Variants in SPATA6 observed in about 807,000 individuals in gnomAD.
The protein encoded by SPATA6 is spermatogenesis associated 6.
SPATA6 carries 56 observed loss-of-function variants against 65.3 expected under a neutral mutation model. The ratio of observed to expected loss-of-function variants is 0.86; its 90% CI spans 0.69 to 1.07. The LOEUF is 1.07. Ranked by LOEUF, SPATA6 falls within the 50% of genes least tolerant of loss-of-function variation. The pLI, the probability that SPATA6 is intolerant of heterozygous loss-of-function variation, is 0.00. For synonymous variants in SPATA6, 199 were observed against 213.2 expected (o/e 0.93, Z 0.58); for missense variants, 590 against 594.8 (o/e 0.99, Z 0.08).
chr1:48,324,411 T>C (rs182939582), intron 11 of SPATA6, among the ~76,000 whole-genome samples: 29 of 152,184 alleles, frequency 1.9e-4, no homozygotes, highest in African/African-American at 5.8e-4. Flanking sequence ...TACAGATCAA[T>C]AACCCTGATG....
intron 3 of SPATA6, among the ~76,000 whole-genome samples, chr1:48,437,728 C>T (rs1380798180): frequency 1.3e-5 from 2 of 152,052 alleles, no homozygotes; most frequent in Non-Finnish European, 2.9e-5. Flanking sequence ...CTTATGGTAA[C>T]ACCTAACTGA....
intron 11 of SPATA6, among the ~76,000 whole-genome samples, chr1:48,317,469 C>T (rs1006798113): frequency 6.6e-6 from 1 of 151,208 alleles, no homozygotes; most frequent in Non-Finnish European, 1.5e-5. Context: ...CAGGTGGGAA[C>T]TGAACAATGA....
chr1:48,403,674 C>A, intron 6 of SPATA6, 128 bp downstream of exon 6: 1 of 641,960 alleles, frequency 1.6e-6, no homozygotes, highest in Non-Finnish European at 2.6e-6. Context: ...TATTGTTTCA[C>A]TTCAACTAAA....
Position 48,471,586 on chromosome 1 carries a change from A to C in SPATA6, c.51+372T>G, listed in dbSNP as rs1014572663. 1.3e-5 allele frequency among the ~76,000 whole-genome samples: 2 copies of C among 152,154 alleles called. 1 individual carries two copies. Among genetic ancestry groups the C allele is most frequent in the Non-Finnish European group, 2.9e-5 (2 of 68,040 alleles). On this transcript the variant is annotated intron_variant, in intron 1 of 12. Coordinates refer to ENST00000371847, the MANE Select transcript of SPATA6 (RefSeq NM_019073.4). ...CCCAGACTTGGGAAAGGCGGGGGCA[A>C]TAATTCTCTAAGAGAACTGGAGCCC...
At chr1:48,271,689 C>T in the SPATA6 span, among the ~76,000 whole-genome samples, 1 of 152,064 alleles carries the variant, frequency 6.6e-6, no homozygotes, top group Admixed American at 6.6e-5. Context: ...AACAACTAGG[C>T]CATGGGATGC....
At chr1:48,387,271 G>A (rs567234549) in intron 8 of SPATA6, among the ~76,000 whole-genome samples, 2 of 152,102 alleles carry the variant, frequency 1.3e-5, no homozygotes, top group Non-Finnish European at 2.9e-5. Flanking sequence ...AATTCAAGAT[G>A]AGATTTGGGT....
intron 3 of SPATA6, among the ~76,000 whole-genome samples, chr1:48,445,470 C>T (rs1165653104): frequency 6.6e-6 from 1 of 151,980 alleles, no homozygotes; most frequent in African/African-American, 2.4e-5. Flanking sequence ...ACCATCCTGG[C>T]TAACATGGTA....
intron 1 of SPATA6, among the ~76,000 whole-genome samples, chr1:48,459,899 G>A (rs1657298435): frequency 6.6e-6 from 1 of 151,960 alleles, no homozygotes; most frequent in South Asian, 2.1e-4. Context: ...GAAATTATAA[G>A]ACAAATTAGA....
chr1:48,348,545 T>C (rs908665776), intron 11 of SPATA6, among the ~76,000 whole-genome samples: 8 of 151,798 alleles, frequency 5.3e-5, no homozygotes, highest in African/African-American at 1.9e-4. Context: ...TACAAGATGC[T>C]CCATGTTAAT....
rs1345867089 is a variant in SPATA6, at chr1:48,298,773, C to T, written c.1407G>A (p.Met469Ile). 12 of 1,613,904 alleles carry T rather than the reference C, an allele frequency of 7.4e-6. No homozygotes were observed. Among genetic ancestry groups the T allele is most frequent in the Non-Finnish European group, 1.0e-5 (12 of 1,179,946 alleles). The change falls in exon 13 of 13, where the codon ATG (methionine) becomes ATA (isoleucine). Residue 469 changes from methionine (M) to isoleucine (I), a missense_variant. Transcript: ENST00000371847. ...RPIFENSMDKMYRNLYKKACS... is the reference protein window; with the variant it reads ...RPIFENSMDKIYRNLYKKACS... ...AGGCCTTTTTGTATAAGTTCCTGTA[C>T]ATCTTGTCCATGCTGTTCTCAAAGA...
chr1:48,409,013 C>T (rs1227259766), intron 5 of SPATA6, among the ~76,000 whole-genome samples: 3 of 152,178 alleles, frequency 2.0e-5, no homozygotes, highest in African/African-American at 7.2e-5. Context: ...ACCAATCATG[C>T]CTTCCCAACA....
downstream of SPATA6, among the ~76,000 whole-genome samples, chr1:48,292,250 T>G (rs1162664778): frequency 1.3e-5 from 2 of 152,130 alleles, no homozygotes; most frequent in African/African-American, 4.8e-5. Context: ...TGACACTGAG[T>G]CTAATGGCAT....
chr1:48,367,815 A>G (rs935633717), intron 9 of SPATA6, among the ~76,000 whole-genome samples: 1 of 152,102 alleles, frequency 6.6e-6, no homozygotes, highest in Non-Finnish European at 1.5e-5. Flanking sequence ...TAATATTGTT[A>G]TGTGTGAATT....
intron 11 of SPATA6, among the ~76,000 whole-genome samples, chr1:48,340,785 G>A (rs10788887): frequency 0.98 from 148,751 of 152,184 alleles, 72,787 homozygotes; most frequent in East Asian, 1. Context: ...CTTAAATATA[G>A]GGATACAAGA....
At chr1:48,315,273 A>G (rs2148681372) in intron 11 of SPATA6, among the ~76,000 whole-genome samples, 1 of 152,338 alleles carries the variant, frequency 6.6e-6, no homozygotes, top group South Asian at 2.1e-4. Flanking sequence ...CCTGATGAAC[A>G]TAGATGCAAA....
the SPATA6 span, among the ~76,000 whole-genome samples, chr1:48,289,871 C>T: frequency 6.6e-6 from 1 of 152,174 alleles, no homozygotes; most frequent in Non-Finnish European, 1.5e-5. Flanking sequence ...AAATCTATGT[C>T]TCACTGGTGT....
intron 11 of SPATA6, among the ~76,000 whole-genome samples, chr1:48,316,208 G>A (rs1645412704): frequency 6.6e-6 from 1 of 152,030 alleles, no homozygotes; most frequent in Non-Finnish European, 1.5e-5. Flanking sequence ...GAAACAAAAA[G>A]GAGCCCGCAT....
intron 9 of SPATA6, among the ~76,000 whole-genome samples, chr1:48,365,262 G>T (rs1481699858): frequency 6.6e-6 from 1 of 152,150 alleles, no homozygotes; most frequent in Non-Finnish European, 1.5e-5. Context: ...TTTTGGCTTA[G>T]GATTGACTTG....
intron 11 of SPATA6, among the ~76,000 whole-genome samples, chr1:48,327,063 A>G (rs2148718723): frequency 6.6e-6 from 1 of 152,222 alleles, no homozygotes; most frequent in East Asian, 1.9e-4. Flanking sequence ...TAAACAGACA[A>G]CTTACATAGT....
Sources: allele counts gnomAD v4.1 joint callset (sites outside exome capture counted in the v4.1 genomes callset), GRCh38; gene constraint gnomAD v4.1.1; transcripts MANE v1.5; gene names NCBI Gene and HGNC (gene_info 2026-07-23, HGNC 2026-07-21).